BRAF: variants seen among roughly 807,000 people sequenced by gnomAD.
BRAF encodes the protein serine/threonine-protein kinase B-raf.
Under a neutral mutation model 104.6 loss-of-function variants are expected in BRAF, and 16 were observed. The ratio of observed to expected loss-of-function variants is 0.15; its 90% CI spans 0.10 to 0.23. The LOEUF (loss-of-function observed/expected upper bound fraction) is 0.23. Ranked by LOEUF, BRAF falls within the 10% of genes least tolerant of loss-of-function variation. BRAF has a pLI of 1.00. For synonymous variants in BRAF, 310 were observed against 341.6 expected, an observed-to-expected ratio of 0.91 and a Z score of 1.02; for missense variants, 541 against 937.3, an observed-to-expected ratio of 0.58 and a Z score of 5.52.
At position 140,736,608 on chromosome 7, in the gene BRAF, G is replaced by C. The variant is rs528799343; in HGVS notation, c.2248-1838C>G. On this transcript the variant is annotated intron_variant, in intron 18 of 19. Transcript: ENST00000644969. ...ACGCCTGGCTAATTTTGTATTCTTAGTAGAGTCAGAGTTTCTCCATGTTGG... is the reference window on the plus strand; with the variant it reads ...ACGCCTGGCTAATTTTGTATTCTTACTAGAGTCAGAGTTTCTCCATGTTGG... Among the ~76,000 whole-genome samples, 5 of 151,386 alleles carry C rather than the reference G, an allele frequency of 3.3e-5. No individual in the cohort carries two copies. The South Asian group carries it at 1.0e-3, about 32-fold the overall frequency.
chr7:140,902,848 A>G (rs969342461), intron 1 of BRAF, among the ~76,000 whole-genome samples: 1 of 152,082 alleles, frequency 6.6e-6, no homozygotes, highest in Non-Finnish European at 1.5e-5. Context: ...AGTGATCTGG[A>G]TAGAAGATCA....
chr7:140,803,615 T>G lies in BRAF; in HGVS notation c.712-2055A>C, dbSNP rs186826576. Among the ~76,000 whole-genome samples the G allele has an allele frequency of 5.3e-5, 8 of 152,298 alleles. No homozygotes were observed. The East Asian group carries it at 1.5e-3, about 29-fold the overall frequency. The stretch of plus-strand genomic sequence containing the variant: ...TCAATTTCTTAGAGGATTAGAATGT[T>G]TGGGCCACATAAACTTATTTGTGAA... On this transcript the variant is annotated intron_variant, in intron 5 of 19. Transcript: ENST00000644969.
chr7:140,720,471 T>A lies in BRAF; in HGVS notation c.*6023A>T, dbSNP rs1795267129. 1 of 1,063,830 alleles carries A rather than the reference T, an allele frequency of 9.4e-7. No homozygotes were observed. The highest frequency in any genetic ancestry group is 4.6e-5 in the South Asian group (1 of 21,970). 65.9% of individuals were successfully genotyped at this position (1,063,830 alleles called of 1,614,324 possible). A position where few individuals can be genotyped will look rare whatever the true frequency, so the allele number is the denominator to read the frequency against. ...GGTCATTAACATGAATAAAAAGGCA[T>A]TATATGTTGATATAGCTGGTTTTAA... On this transcript the variant is annotated 3_prime_UTR_variant, in exon 20 of 20. Coordinates refer to ENST00000644969, the MANE Select transcript of BRAF (RefSeq NM_001374258.1).
chr7:140,834,483 GTA>G, intron 3 of BRAF, 124 bp downstream of exon 3: 1 of 1,292,544 alleles, frequency 7.7e-7, no homozygotes, highest in Non-Finnish European at 1.1e-6. Flanking sequence ...TTTCATTCCT[GTA>G]TGACATGGAT....
intron 1 of BRAF, among the ~76,000 whole-genome samples, chr7:140,863,301 A>T (rs1214068145): frequency 6.6e-6 from 1 of 152,222 alleles, no homozygotes; most frequent in Non-Finnish European, 1.5e-5. Flanking sequence ...ACACCCCACA[A>T]AAAGCCATGT....
At chr7:140,906,865 T>G (rs1437231055) in intron 1 of BRAF, among the ~76,000 whole-genome samples, 1 of 152,238 alleles carries the variant, frequency 6.6e-6, no homozygotes, top group Admixed American at 6.5e-5. Context: ...TATCTGGGTT[T>G]ATGCAGTTTT....
chr7:140,809,655 G>A (rs1237974741), intron 3 of BRAF, among the ~76,000 whole-genome samples: 1 of 152,172 alleles, frequency 6.6e-6, no homozygotes, highest in Admixed American at 6.5e-5. Context: ...GACCCAAACA[G>A]TACCTGAGTT....
chr7:140,728,343 A>C (rs962200466), intron 19 of BRAF, among the ~76,000 whole-genome samples: 1 of 152,208 alleles, frequency 6.6e-6, no homozygotes, highest in South Asian at 2.1e-4. Context: ...AGCAGTCCCT[A>C]AACAACTTTC....
chr7:140,880,717 G>A (rs1812801099), intron 1 of BRAF, among the ~76,000 whole-genome samples: 1 of 151,940 alleles, frequency 6.6e-6, no homozygotes, highest in Admixed American at 6.6e-5. Context: ...TGCGTTAGTG[G>A]TTAAGAAAAA....
chr7:140,765,684 A>C (rs965217329), intron 14 of BRAF, among the ~76,000 whole-genome samples: 4 of 152,152 alleles, frequency 2.6e-5, no homozygotes, highest in African/African-American at 9.7e-5. Context: ...ATGCAGCCAA[A>C]AGACACATGA....
At chr7:140,851,840 G>C (rs1809192562) in intron 1 of BRAF, among the ~76,000 whole-genome samples, 1 of 152,044 alleles carries the variant, frequency 6.6e-6, no homozygotes, top group Admixed American at 6.6e-5. Flanking sequence ...TATGCTTACT[G>C]GCCATTTGAG....
chr7:140,854,563 G>C (rs1244039561), intron 1 of BRAF, among the ~76,000 whole-genome samples: 1 of 152,102 alleles, frequency 6.6e-6, no homozygotes, highest in African/African-American at 2.4e-5. Context: ...CAAAGGATGG[G>C]AGAGAGAAAG....
At position 140,724,376 on chromosome 7, in the gene BRAF, T is replaced by G. The variant is rs1436269692; in HGVS notation, c.*2118A>C. ...ATTTAAAAGCATCTAGAGATATATT[T>G]AAAAAGAAAAAACAGCCAATGCTTT... On this transcript the variant is annotated 3_prime_UTR_variant, in exon 20 of 20. Coordinates refer to ENST00000644969, the MANE Select transcript of BRAF (RefSeq NM_001374258.1). The G allele has an allele frequency of 9.5e-7, 1 of 1,054,886 alleles. No individual in the cohort carries two copies. The highest frequency in any genetic ancestry group is 1.1e-6 in the Non-Finnish European group (1 of 872,836). 65.3% of individuals were successfully genotyped at this position (1,054,886 alleles called of 1,614,324 possible).
At chr7:140,806,405 G>A (rs902347258) in intron 5 of BRAF, among the ~76,000 whole-genome samples, 1 of 152,112 alleles carries the variant, frequency 6.6e-6, no homozygotes, top group African/African-American at 2.4e-5. Flanking sequence ...GGTAAGATAT[G>A]GTATTGGCAA....
At chr7:140,874,204 CTTTTTTTT>C (rs551211923) in intron 1 of BRAF, among the ~76,000 whole-genome samples, 2 of 137,616 alleles carry the variant, frequency 1.5e-5, no homozygotes, top group African/African-American at 5.4e-5. Flanking sequence ...ATTTTACATA[CTTTTTTTT>C]TTTTTTTTTT....
intron 19 of BRAF, chr7:140,734,424 A>G: frequency 1.3e-6 from 2 of 1,512,346 alleles, no homozygotes; most frequent in Non-Finnish European, 1.8e-6. Flanking sequence ...ATCCAATGTT[A>G]AGTATAAATT....
intron 1 of BRAF, among the ~76,000 whole-genome samples, chr7:140,892,752 A>G (rs1053041265): frequency 6.6e-6 from 1 of 152,158 alleles, no homozygotes; most frequent in African/African-American, 2.4e-5. Context: ...TTTTAAAGTG[A>G]AACACAGACC....
At chr7:140,755,709 C>T (rs1294346892) in intron 14 of BRAF, among the ~76,000 whole-genome samples, 1 of 152,082 alleles carries the variant, frequency 6.6e-6, no homozygotes, top group Non-Finnish European at 1.5e-5. Flanking sequence ...TTACAAAGTT[C>T]TGCAGTGACA....
At chr7:140,780,699 CAT>C (rs1326344868) in intron 12 of BRAF, 3 of 152,160 alleles carry the variant, frequency 2.0e-5, no homozygotes, top group Non-Finnish European at 4.4e-5. Context: ...TATATAATCA[CAT>C]ATGATGGTAT....
Sources: gnomAD v4.1 joint callset for allele counts (sites outside exome capture counted in the v4.1 genomes callset) on GRCh38, gnomAD v4.1.1 for gene constraint, MANE v1.5 for transcripts, NCBI Gene and HGNC (gene_info 2026-07-23, HGNC 2026-07-21) for gene names.